The following FBXL17 variants were observed in gnomAD, a reference collection of about 807,000 sequenced individuals.
FBXL17 encodes the protein F-box/LRR-repeat protein 17.
In FBXL17, 22 loss-of-function variants were observed where a neutral mutation model predicts 66.2. The ratio of observed to expected loss-of-function variants is 0.33; its 90% CI spans 0.24 to 0.47. FBXL17 has a LOEUF of 0.47. FBXL17 is among the 20% of genes least tolerant of loss of function. FBXL17 has a pLI of 1.00. For missense variants in FBXL17, 878 were observed against 948.2 expected (o/e 0.93, Z 0.97); for synonymous variants, 474 against 400.5 (o/e 1.18, Z -2.19).
At chr5:107,943,124 T>C (rs542679699) in intron 7 of FBXL17, among the ~76,000 whole-genome samples, 1 of 152,256 alleles carries the variant, frequency 6.6e-6, no homozygotes, top group Non-Finnish European at 1.5e-5. Flanking sequence ...GGCTCTGTCA[T>C]TGCTTGACTC....
Position 107,889,141 on chromosome 5 carries a change from A to G in FBXL17, c.1823-7962T>C, listed in dbSNP as rs1228195740. On this transcript the variant is annotated intron_variant, in intron 7 of 8. Coordinates refer to ENST00000542267, the MANE Select transcript of FBXL17 (RefSeq NM_001163315.3). ...GCCACACTTTAAAAAAATTTCTAGC[A>G]GAGTGCCTCTACCCTTGTAATACTT... Among the ~76,000 whole-genome samples, 10 of 152,208 alleles carry G rather than the reference A, an allele frequency of 6.6e-5. No homozygotes were observed. In the East Asian group the frequency reaches 1.9e-3, roughly 29 times the overall value.
At chr5:108,219,446 G>C (rs1387877820) in intron 5 of FBXL17, among the ~76,000 whole-genome samples, 1 of 152,162 alleles carries the variant, frequency 6.6e-6, no homozygotes, top group Non-Finnish European at 1.5e-5. Context: ...AGCACTTTGA[G>C]AGGCTGACAT....
chr5:107,928,010 A>C (rs183927716), intron 7 of FBXL17, among the ~76,000 whole-genome samples: 2 of 152,236 alleles, frequency 1.3e-5, no homozygotes, highest in African/African-American at 4.8e-5. Context: ...ACCATCTGAA[A>C]ACCTGTTTAA....
At chr5:108,363,581 T>C (rs1437759739) in intron 3 of FBXL17, among the ~76,000 whole-genome samples, 3 of 151,986 alleles carry the variant, frequency 2.0e-5, no homozygotes, top group Non-Finnish European at 4.4e-5. Context: ...ATTTACATAA[T>C]TACTCTCAAA....
chr5:108,138,635 G>C (rs1385883739), intron 6 of FBXL17, among the ~76,000 whole-genome samples: 1 of 152,126 alleles, frequency 6.6e-6, no homozygotes, highest in East Asian at 1.9e-4. Context: ...CTTACACATA[G>C]CCTTTATTTT....
chr5:108,088,694 C>A, intron 6 of FBXL17, among the ~76,000 whole-genome samples: 2 of 91,102 alleles, frequency 2.2e-5, no homozygotes, highest in East Asian at 3.3e-4. Context: ...GAGCGAGACT[C>A]TATCTCAAAA....
Position 108,381,005 on chromosome 5 carries a change from CCCGCCACCGCCGCCG to C in FBXL17, c.672_686del (p.Gly227_Gly231del). ...AAGCGCCTCCCCCCGCAGGCCCTCC[CCCGCCACCGCCGCCG>C]CCGCCGCCGCCGCAGCCCCCGCCGC... On this transcript the variant is annotated inframe_deletion, in exon 1 of 9. Coordinates refer to ENST00000542267, the MANE Select transcript of FBXL17 (RefSeq NM_001163315.3). The C allele has an allele frequency of 8.4e-7, 1 of 1,193,172 alleles. No individual in the cohort carries two copies. Among genetic ancestry groups the C allele is most frequent in the Non-Finnish European group, 1.0e-6 (1 of 963,290 alleles). The allele number at this position is 1,193,172 out of a possible 1,614,324, so 73.9% of individuals were successfully genotyped here. A position where few individuals can be genotyped will look rare whatever the true frequency, so the allele number is the denominator to read the frequency against.
chr5:107,922,453 C>T (rs1750356342), intron 7 of FBXL17, among the ~76,000 whole-genome samples: 1 of 152,228 alleles, frequency 6.6e-6, no homozygotes, highest in Non-Finnish European at 1.5e-5. Flanking sequence ...GCCCACTGGG[C>T]AGAAGACTGT....
chr5:108,184,612 T>C (rs1161563784), intron 6 of FBXL17, among the ~76,000 whole-genome samples: 1 of 151,760 alleles, frequency 6.6e-6, no homozygotes, highest in African/African-American at 2.4e-5. Context: ...CAGCCAGTGG[T>C]GCACACTTGT....
At chr5:108,150,264 CT>C (rs1225442605) in intron 6 of FBXL17, among the ~76,000 whole-genome samples, 2 of 152,154 alleles carry the variant, frequency 1.3e-5, no homozygotes, top group East Asian at 3.8e-4. Flanking sequence ...TCTATCTCTA[CT>C]TGTCCCAATC....
intron 4 of FBXL17, among the ~76,000 whole-genome samples, chr5:108,285,323 A>G (rs1757856078): frequency 6.6e-6 from 1 of 151,904 alleles, no homozygotes; most frequent in South Asian, 2.1e-4. Flanking sequence ...CCTCCCATGA[A>G]TGATGAATGT....
At chr5:107,914,682 TTC>T (rs1750069461) in intron 7 of FBXL17, among the ~76,000 whole-genome samples, 1 of 152,210 alleles carries the variant, frequency 6.6e-6, no homozygotes, top group African/African-American at 2.4e-5. Context: ...GCTCAGAGGA[TTC>T]TTTCTTTCTT....
At chr5:108,326,262 TATAAC>T in intron 4 of FBXL17, among the ~76,000 whole-genome samples, 1 of 152,018 alleles carries the variant, frequency 6.6e-6, no homozygotes, top group South Asian at 2.1e-4. Flanking sequence ...ATAGAACTCT[TATAAC>T]ATGTAAGAAG....
intron 7 of FBXL17, among the ~76,000 whole-genome samples, chr5:107,989,772 G>A (rs1753166199): frequency 6.6e-6 from 1 of 151,986 alleles, no homozygotes; most frequent in Admixed American, 6.6e-5. Flanking sequence ...GTTTTCATCA[G>A]AACATCTAAA....
chr5:107,959,142 C>T (rs1460960486), intron 7 of FBXL17, among the ~76,000 whole-genome samples: 2 of 152,028 alleles, frequency 1.3e-5, no homozygotes, highest in Admixed American at 6.6e-5. Context: ...TTGTTCTCCT[C>T]ATAGGTGGGG....
intron 7 of FBXL17, among the ~76,000 whole-genome samples, chr5:107,972,491 T>C (rs1408372211): frequency 6.6e-6 from 1 of 152,180 alleles, no homozygotes; most frequent in Non-Finnish European, 1.5e-5. Flanking sequence ...TTGGTAGCCT[T>C]AGACAGGCTT....
At chr5:108,344,060 G>A (rs1397320438) in intron 4 of FBXL17, among the ~76,000 whole-genome samples, 3 of 152,130 alleles carry the variant, frequency 2.0e-5, no homozygotes, top group African/African-American at 4.8e-5. Context: ...CAAAAATTAA[G>A]ATAACTAAAG....
At chr5:108,090,264 T>C (rs1316921598) in intron 6 of FBXL17, among the ~76,000 whole-genome samples, 1 of 152,212 alleles carries the variant, frequency 6.6e-6, no homozygotes, top group African/African-American at 2.4e-5. Context: ...TTCCCATGTA[T>C]GAATTTGATT....
At chr5:108,258,803 T>A (rs1306556239) in intron 4 of FBXL17, among the ~76,000 whole-genome samples, 2 of 149,020 alleles carry the variant, frequency 1.3e-5, no homozygotes, top group African/African-American at 5.1e-5. Context: ...GGAAAGCTAG[T>A]CAACAGAAGA....
Sources: gnomAD v4.1 joint callset for allele counts (sites outside exome capture counted in the v4.1 genomes callset) on GRCh38, gnomAD v4.1.1 for gene constraint, MANE v1.5 for transcripts, NCBI Gene and HGNC (gene_info 2026-07-23, HGNC 2026-07-21) for gene names.